Variants in PSME3IP1 observed in about 807,000 individuals in gnomAD.
PSME3IP1 encodes the protein PSME3-interacting protein.
In PSME3IP1, 13 loss-of-function variants were observed where a neutral mutation model predicts 34.1. That is an observed-to-expected ratio of 0.38 (90% confidence interval 0.25 to 0.61). The LOEUF (loss-of-function observed/expected upper bound fraction) is 0.61, where lower values mean the gene tolerates loss of function less well. Ranked by LOEUF, PSME3IP1 falls within the 20% of genes least tolerant of loss-of-function variation. The pLI, the probability that PSME3IP1 is intolerant of heterozygous loss-of-function variation, is 0.60. For missense variants in PSME3IP1, 237 were observed against 301.4 expected (o/e 0.79, Z 1.58); for synonymous variants, 93 against 114.3 (o/e 0.81, Z 1.19).
chr16:57,172,306 T>C lies in PSME3IP1; in HGVS notation c.293A>G (p.Glu98Gly), dbSNP rs757773647. 4 of 1,614,024 alleles carry C rather than the reference T, an allele frequency of 2.5e-6. No homozygotes were observed. Among genetic ancestry groups the C allele is most frequent in the Non-Finnish European group, 3.4e-6 (4 of 1,179,978 alleles). Residue 98 changes from glutamate (E) to glycine (G), a missense_variant, in exon 4 of 7, where the codon GAA (glutamate) becomes GGA (glycine). Glu to Gly is a moderately conservative substitution (Grantham distance 98). Coordinates refer to ENST00000309137, the MANE Select transcript of PSME3IP1 (RefSeq NM_024946.4). The stretch of plus-strand genomic sequence containing the variant: ...TTCTCTTCGTTGCTTTTCTATTAGT[T>C]CCTGCTGTCGAGAAACCTCATCAAG... ...NFLDEVSRQQ[E>G]LIEKQRREEE... is the part of the protein sequence containing the mutation.
chr16:57,163,541 C>T (rs2145598660), intron 6 of PSME3IP1, among the ~76,000 whole-genome samples: 1 of 152,286 alleles, frequency 6.6e-6, no homozygotes, highest in Non-Finnish European at 1.5e-5. Flanking sequence ...GATTTCATCA[C>T]ATAAAAGTAA....
intron 6 of PSME3IP1, among the ~76,000 whole-genome samples, chr16:57,160,275 C>T (rs1298829918): frequency 1.4e-5 from 2 of 145,800 alleles, no homozygotes; most frequent in South Asian, 2.1e-4. Flanking sequence ...CCGGCCTGGG[C>T]GACAGAGCGA....
chr16:57,164,252 G>A (rs1184855427), intron 5 of PSME3IP1, among the ~76,000 whole-genome samples, 187 bp from the exon 6 acceptor site: 1 of 152,148 alleles, frequency 6.6e-6, no homozygotes, highest in Non-Finnish European at 1.5e-5. Context: ...CAGTCATAAA[G>A]ACAATTTAAA....
At chr16:57,175,834 T>C (rs540233151) in intron 1 of PSME3IP1, 11 of 152,342 alleles carry the variant, frequency 7.2e-5, no homozygotes, top group Non-Finnish European at 1.5e-4. Flanking sequence ...AGAATATTCA[T>C]GCAACATTTT....
At chr16:57,165,921 C>T (rs2071820527) in intron 5 of PSME3IP1, among the ~76,000 whole-genome samples, 1 of 152,030 alleles carries the variant, frequency 6.6e-6, no homozygotes, top group African/African-American at 2.4e-5. Flanking sequence ...AATTGATCAC[C>T]TGGAGAGCCC....
intron 6 of PSME3IP1, among the ~76,000 whole-genome samples, chr16:57,160,219 A>G (rs2071063714): frequency 6.6e-6 from 1 of 151,310 alleles, no homozygotes. Context: ...GAACCCGGGA[A>G]GCGGAGCTTG....
In PSME3IP1 at chr16:57,185,862, G is replaced by A; in HGVS notation, c.-57C>T. 1.0e-6 allele frequency: 1 copy of A among 983,542 alleles called. No homozygotes were observed. Among genetic ancestry groups the A allele is most frequent in the South Asian group, 4.7e-5 (1 of 21,248 alleles). The allele number at this position is 983,542 out of a possible 1,614,324, so 60.9% of individuals were successfully genotyped here. Reference sequence around the variant, plus strand: ...GGCGAGACGACCTCACCTCGGCGGCGCCCACCCCAAACCGCCACCGCAGAG... The same window carrying A: ...GGCGAGACGACCTCACCTCGGCGGCACCCACCCCAAACCGCCACCGCAGAG... On this transcript the variant is annotated 5_prime_UTR_variant, in exon 1 of 7. Transcript: ENST00000309137.
chr16:57,178,541 G>A (rs2073408144), intron 1 of PSME3IP1: 4 of 985,146 alleles, frequency 4.1e-6, no homozygotes, highest in Admixed American at 6.1e-5. Flanking sequence ...ATCTGAGCAG[G>A]GAGGAATGAA....
At position 57,154,554 on chromosome 16, in the gene PSME3IP1, G is replaced by A. The variant is rs1324677784; in HGVS notation, c.548-47C>T. On this transcript the variant is annotated intron_variant, in intron 6 of 6. Coordinates refer to ENST00000309137, the MANE Select transcript of PSME3IP1 (RefSeq NM_024946.4). This position sits in a 1 kb window ranked among gnomAD's most constrained non-coding sequence, Gnocchi z 4.0. ...TGTCACTTCATCACCCTTTTCCAAA[G>A]TTGGGGACTGACTTACCATGTGCCA... 5 of 1,488,670 alleles carry A rather than the reference G, an allele frequency of 3.4e-6. No homozygotes were observed. Among genetic ancestry groups the A allele is most frequent in the East Asian group, 2.4e-5 (1 of 42,098 alleles). 92.2% of individuals were successfully genotyped at this position (1,488,670 alleles called of 1,614,324 possible). A position where few individuals can be genotyped will look rare whatever the true frequency, so the allele number is the denominator to read the frequency against.
chr16:57,174,542 C>T (rs1392852149), intron 1 of PSME3IP1: 2 of 985,288 alleles, frequency 2.0e-6, no homozygotes, highest in Non-Finnish European at 2.4e-6. Flanking sequence ...AGCTCTCATC[C>T]TCCTTTATTT....
chr16:57,180,204 C>A (rs189728084), intron 1 of PSME3IP1, among the ~76,000 whole-genome samples: 1 of 152,282 alleles, frequency 6.6e-6, no homozygotes. Context: ...TCATAAGGAG[C>A]AATTTGCAAT....
chr16:57,180,246 TA>T (rs2073573687), intron 1 of PSME3IP1, among the ~76,000 whole-genome samples: 1 of 152,166 alleles, frequency 6.6e-6, no homozygotes, highest in Non-Finnish European at 1.5e-5. Flanking sequence ...ACACATACAA[TA>T]AAAAATTCAG....
chr16:57,185,279 C>T (rs1017813765), intron 1 of PSME3IP1, among the ~76,000 whole-genome samples: 24 of 152,222 alleles, frequency 1.6e-4, no homozygotes, highest in Admixed American at 1.2e-3. Flanking sequence ...ACAAGGACCA[C>T]CAACTCTCAA....
chr16:57,180,081 GTCAATCTTCTAACA>G lies in PSME3IP1; in HGVS notation c.-16+5726_-16+5739del, dbSNP rs1423275287. Among the ~76,000 whole-genome samples the G allele has an allele frequency of 3.9e-5, 6 of 152,294 alleles. No homozygotes were observed. The East Asian group carries it at 1.2e-3, about 29-fold the overall frequency. Reference sequence around the variant, plus strand: ...AGTATTTATTACTAGGCAAAGTGAAGTCAATCTTCTAACACCAAAGCTTAATTAACATATTCCGG... The same window carrying G: ...AGTATTTATTACTAGGCAAAGTGAAGCCAAAGCTTAATTAACATATTCCGG... On this transcript the variant is annotated intron_variant, in intron 1 of 6. Coordinates refer to ENST00000309137, the MANE Select transcript of PSME3IP1 (RefSeq NM_024946.4).
chr16:57,169,826 G>A (rs1370683149), intron 4 of PSME3IP1, among the ~76,000 whole-genome samples: 2 of 152,122 alleles, frequency 1.3e-5, no homozygotes, highest in East Asian at 3.9e-4. Context: ...CACAATATGG[G>A]TATCTGCCTA....
intron 3 of PSME3IP1, 89 bp downstream of exon 3, chr16:57,172,687 C>A: frequency 2.0e-6 from 2 of 1,014,286 alleles, no homozygotes; most frequent in South Asian, 2.6e-5. Context: ...GACAATTCCA[C>A]GGCTAGTTAG....
chr16:57,183,585 G>A (rs1166074671), intron 1 of PSME3IP1, among the ~76,000 whole-genome samples: 2 of 152,020 alleles, frequency 1.3e-5, no homozygotes, highest in Non-Finnish European at 2.9e-5. Context: ...TGCCCACCTC[G>A]ACCTACCAAA....
In PSME3IP1 at chr16:57,172,794, C is replaced by T. The variant is rs749152481; in HGVS notation, c.208G>A (p.Glu70Lys). The T allele has an allele frequency of 6.2e-6, 10 of 1,612,986 alleles. No individual in the cohort carries two copies. The highest frequency in any genetic ancestry group is 5.1e-6 in the Non-Finnish European group (6 of 1,179,070). ...EQKDRKQQEY[E>K]EQFKFKNMVR... is the part of the protein sequence containing the mutation. ...AGCTTACTGAATTTGAACTGTTCCT[C>T]GTACTCCTGCTGCTTCCTGTCCTTC... Residue 70 changes from glutamate to lysine, a missense_variant, in exon 3 of 7, where the codon GAG (glutamate) becomes AAG (lysine). Coordinates refer to ENST00000309137, the MANE Select transcript of PSME3IP1 (RefSeq NM_024946.4).
rs1191182284 is a variant in PSME3IP1, at chr16:57,153,439, G to A, written c.*851C>T. The A allele has an allele frequency of 7.2e-5, 11 of 152,198 alleles. No individual in the cohort carries two copies. The highest frequency in any genetic ancestry group is 5.9e-4 in the Admixed American group (9 of 15,288). The allele number at this position is 152,198 out of a possible 1,614,324, so 9.4% of individuals were successfully genotyped here. ...CTCATTTACAATATTAGGATTCCAG[G>A]AGCTGCCAGAAATAAGTCATCTCAT... is the stretch of plus-strand genomic sequence containing the variant. On this transcript the variant is annotated 3_prime_UTR_variant, in exon 7 of 7. Transcript: ENST00000309137.
Sources: gnomAD v4.1 joint callset for allele counts (sites outside exome capture counted in the v4.1 genomes callset) on GRCh38, gnomAD v4.1.1 for gene constraint, Gnocchi (gnomAD v3.1) non-coding constraint, MANE v1.5 for transcripts, NCBI Gene and HGNC (gene_info 2026-07-23, HGNC 2026-07-21) for gene names.